Variants in COL4A2 observed in about 807,000 individuals in gnomAD.
COL4A2 encodes the protein collagen type IV alpha 2 chain.
A neutral mutation model predicts 200.2 loss-of-function variants in COL4A2; 99 were observed. The ratio of observed to expected loss-of-function variants is 0.49; its 90% CI spans 0.42 to 0.58. The LOEUF (loss-of-function observed/expected upper bound fraction) is 0.58, where lower values mean the gene tolerates loss of function less well. Ranked by LOEUF, COL4A2 falls within the 20% of genes least tolerant of loss-of-function variation. The pLI, the probability that COL4A2 is intolerant of heterozygous loss-of-function variation, is 0.00. For missense variants in COL4A2, 1,950 were observed against 2,314.1 expected, an observed-to-expected ratio of 0.84 and a Z score of 3.23; for synonymous variants, 897 against 900.6, an observed-to-expected ratio of 1.00 and a Z score of 0.07.
chr13:110,424,759 AG>A lies in COL4A2; in HGVS notation c.210del (p.Tyr71ThrfsTer28). 1 of 1,610,390 alleles carries A rather than the reference AG, an allele frequency of 6.2e-7. No homozygotes were observed. The highest frequency in any genetic ancestry group is 1.3e-5 in the African/African-American group (1 of 74,988). ...GGTCAGCCTGGGCCAGTGGGCCCCCAGGGGTACAATGGGCCACCAGGATTAC... is the reference window on the plus strand; with the variant it reads ...GGTCAGCCTGGGCCAGTGGGCCCCCAGGGTACAATGGGCCACCAGGATTAC... ...GRGQPGPVGP[Q>X]GYNGPPGLQG... On this transcript the variant is annotated frameshift_variant, in exon 5 of 48. Transcript: ENST00000360467. LOFTEE classifies it high-confidence loss of function.
At chr13:110,409,187 GCACATATACACATGCA>G (rs1170141549) in intron 4 of COL4A2, among the ~76,000 whole-genome samples, 4 of 151,530 alleles carry the variant, frequency 2.6e-5, no homozygotes, top group Non-Finnish European at 4.4e-5. Context: ...ACACATACAC[GCACATATACACATGCA>G]CACATATACA....
In COL4A2 at chr13:110,504,841, C is replaced by T. The variant is rs560076431; in HGVS notation, c.4402+577C>T. On this transcript the variant is annotated intron_variant, in intron 45 of 47. Transcript: ENST00000360467. Reference sequence around the variant, plus strand: ...CAGGCTGGTCTCGAACTCCTGACCTCGAGCGATCCGCCAGCCTTGGCCTCC... The same window carrying T: ...CAGGCTGGTCTCGAACTCCTGACCTTGAGCGATCCGCCAGCCTTGGCCTCC... Among the ~76,000 whole-genome samples, 534 of 152,084 alleles carry T rather than the reference C, an allele frequency of 3.5e-3. 4 individuals are homozygous for T. Among genetic ancestry groups the T allele is most frequent in the Admixed American group, 8.0e-3 (122 of 15,296 alleles).
chr13:110,375,319 A>G (rs950529793), intron 4 of COL4A2, among the ~76,000 whole-genome samples: 1 of 152,218 alleles, frequency 6.6e-6, no homozygotes, highest in Admixed American at 6.5e-5. Context: ...TTGAGAGATC[A>G]GCGCAGTGCC....
rs745552628 is a variant in COL4A2 at position 110,504,201 on chromosome 13, G to C, written c.4339G>C (p.Ala1447Pro). The C allele has an allele frequency of 6.2e-7, 1 of 1,614,144 alleles. No individual in the cohort carries two copies. Among genetic ancestry groups the C allele is most frequent in the South Asian group, 1.1e-5 (1 of 91,086 alleles). ...AGPQGRGGVS[A>P]VPGFRGDEGP... Reference sequence around the variant, plus strand: ...GCCCCAAGGAAGAGGTGGTGTGTCTGCTGTTCCCGGCTTCCGGGGAGATGA... The same window carrying C: ...GCCCCAAGGAAGAGGTGGTGTGTCTCCTGTTCCCGGCTTCCGGGGAGATGA... Residue 1447 changes from alanine (A) to proline (P), a missense_variant, in exon 45 of 48, where the codon GCT becomes CCT. Physicochemically the swap from Ala to Pro is conservative, Grantham distance 27. Transcript: ENST00000360467.
At chr13:110,308,604 C>T (rs1317174389) in intron 3 of COL4A2, among the ~76,000 whole-genome samples, 1 of 152,082 alleles carries the variant, frequency 6.6e-6, no homozygotes, top group Non-Finnish European at 1.5e-5. Context: ...ACGAGACAAC[C>T]TTAGTATTGT....
intron 14 of COL4A2, 36 bp from the exon 15 acceptor site, chr13:110,438,581 CT>C (rs1466133606): frequency 5.0e-6 from 8 of 1,613,858 alleles, no homozygotes; most frequent in Admixed American, 1.7e-5. Context: ...GGGGCCGCCC[CT>C]GGGTTGCTCC....
At position 110,495,452 on chromosome 13, in the gene COL4A2, G is replaced by A; in HGVS notation, c.3745G>A (p.Asp1249Asn). ...GPVGVPGQKG[D>N]QGAPGERGPP... Reference sequence around the variant, plus strand: ...TGTGGGAGTCCCAGGACAGAAAGGAGACCAAGGAGCTCCAGGTGAGGCCAC... The same window carrying A: ...TGTGGGAGTCCCAGGACAGAAAGGAAACCAAGGAGCTCCAGGTGAGGCCAC... Residue 1249 changes from aspartate (D) to asparagine (N), a missense_variant, in exon 40 of 48, where the codon GAC (aspartate) becomes AAC (asparagine). Asp to Asn is a conservative substitution (Grantham distance 23). Coordinates refer to ENST00000360467, the MANE Select transcript of COL4A2 (RefSeq NM_001846.4). 1 of 1,613,018 alleles carries A rather than the reference G, an allele frequency of 6.2e-7. No individual in the cohort carries two copies. The highest frequency in any genetic ancestry group is 8.5e-7 in the Non-Finnish European group (1 of 1,179,682).
intron 3 of COL4A2, among the ~76,000 whole-genome samples, chr13:110,344,442 A>G (rs569565702): frequency 4.1e-4 from 62 of 152,348 alleles, no homozygotes; most frequent in Admixed American, 7.8e-4. Flanking sequence ...TGTTTGTTAC[A>G]GCACATCTCC....
chr13:110,362,473 C>T (rs1209371185), intron 4 of COL4A2, among the ~76,000 whole-genome samples: 1 of 146,310 alleles, frequency 6.8e-6, no homozygotes, highest in East Asian at 2.3e-4. Flanking sequence ...ACCACCACAC[C>T]TGGCTGATTT....
At chr13:110,502,369 G>C (rs905482546) in intron 41 of COL4A2, among the ~76,000 whole-genome samples, 3 of 152,178 alleles carry the variant, frequency 2.0e-5, no homozygotes, top group African/African-American at 7.2e-5. Flanking sequence ...CTGTCGCCCA[G>C]GCTGGAGTGC....
At chr13:110,394,486 T>A (rs1879116501) in intron 4 of COL4A2, among the ~76,000 whole-genome samples, 1 of 152,204 alleles carries the variant, frequency 6.6e-6, no homozygotes, top group African/African-American at 2.4e-5. Flanking sequence ...ACCTTGGGGA[T>A]GTTTCACAGC....
chr13:110,343,189 T>C (rs1344412716), intron 3 of COL4A2, among the ~76,000 whole-genome samples: 1 of 151,974 alleles, frequency 6.6e-6, no homozygotes, highest in Non-Finnish European at 1.5e-5. Context: ...CCCAACAACC[T>C]AGTGAGGGGC....
chr13:110,357,636 G>C, intron 4 of COL4A2, 84 bp downstream of exon 4: 2 of 1,529,114 alleles, frequency 1.3e-6, no homozygotes, highest in Non-Finnish European at 1.8e-6. Flanking sequence ...TCTGGGACAC[G>C]TGTGGCTGGG....
chr13:110,449,662 A>T lies in COL4A2; in HGVS notation c.1079-17A>T, dbSNP rs1881459387. ...ACCACGGTCTTGTTCTTACTGTGGG[A>T]CTTGTTTCCCTTCCAGGTGCCAGAG... is the stretch of plus-strand genomic sequence containing the variant. On this transcript the variant is annotated splice_polypyrimidine_tract_variant and intron_variant, in intron 18 of 47. Coordinates refer to ENST00000360467, the MANE Select transcript of COL4A2 (RefSeq NM_001846.4). The T allele has an allele frequency of 6.5e-7, 1 of 1,534,928 alleles. No homozygotes were observed. Among genetic ancestry groups the T allele is most frequent in the African/African-American group, 1.4e-5 (1 of 71,774 alleles).
intron 43 of COL4A2, 104 bp from the exon 44 acceptor site, chr13:110,503,743 G>A (rs1331557185): frequency 7.9e-6 from 11 of 1,400,700 alleles, no homozygotes; most frequent in Non-Finnish European, 1.1e-5. Flanking sequence ...AGTTGTCTGG[G>A]AAGCTCCAAA....
At position 110,438,535 on chromosome 13, in the gene COL4A2, G is replaced by A. The variant is rs1442545384; in HGVS notation, c.862-83G>A. 1.4e-5 allele frequency: 21 copies of A among 1,541,746 alleles called. No homozygotes were observed. The East Asian group carries it at 4.7e-4, about 35-fold the overall frequency. Reference sequence around the variant, plus strand: ...ATCGGGGCTGAGAACACAGAGTCCTGGAGCAGAGGATGACACGTGGGCCCT... The same window carrying A: ...ATCGGGGCTGAGAACACAGAGTCCTAGAGCAGAGGATGACACGTGGGCCCT... On this transcript the variant is annotated intron_variant, in intron 14 of 47. Coordinates refer to ENST00000360467, the MANE Select transcript of COL4A2 (RefSeq NM_001846.4).
chr13:110,468,861 C>T (rs11840559), intron 27 of COL4A2, among the ~76,000 whole-genome samples: 6 of 152,188 alleles, frequency 3.9e-5, no homozygotes, highest in African/African-American at 7.2e-5. Flanking sequence ...CGATCCTTCT[C>T]CCCACTTTAC....
chr13:110,471,826 G>A (rs993147743), intron 28 of COL4A2, among the ~76,000 whole-genome samples: 7 of 152,102 alleles, frequency 4.6e-5, no homozygotes, highest in South Asian at 2.1e-4. Context: ...TAGGAGTGCC[G>A]AGCCTGCCGT....
intron 3 of COL4A2, among the ~76,000 whole-genome samples, chr13:110,329,274 C>T (rs1875793051): frequency 6.6e-6 from 1 of 152,254 alleles, no homozygotes; most frequent in Middle Eastern, 3.4e-3. Context: ...TCTTACATTC[C>T]CGGTAGACCT....
Sources: allele counts gnomAD v4.1 joint callset (sites outside exome capture counted in the v4.1 genomes callset), GRCh38; gene constraint gnomAD v4.1.1; transcripts MANE v1.5; gene names NCBI Gene and HGNC (gene_info 2026-07-23, HGNC 2026-07-21).